The following SAMMSON variants were observed in gnomAD, a reference collection of about 807,000 sequenced individuals.
SAMMSON encodes survival associated mitochondrial melanoma specific oncogenic non-coding RNA, also known as long intergenic non-protein coding RNA 1212.
At position 70,228,394 on chromosome 3, in the gene SAMMSON, ATTG is replaced by A. The variant is rs1701527995; in HGVS notation, n.508-20708_508-20706del. ...TAGCTTTTCTTTCCTCTCAGAAGGAATTGTTGTCTTATGACTGACGTTAGGCTG... is the reference window on the plus strand; with the variant it reads ...TAGCTTTTCTTTCCTCTCAGAAGGAATTGTCTTATGACTGACGTTAGGCTG... On this transcript the variant is annotated intron_variant and non_coding_transcript_variant, in intron 4 of 9. Transcript: ENST00000642114. Among the ~76,000 whole-genome samples, 2 of 152,028 alleles carry A rather than the reference ATTG, an allele frequency of 1.3e-5. 1 individual carries two copies. The highest frequency in any genetic ancestry group is 4.1e-4 in the South Asian group (2 of 4,824).
intron 6 of SAMMSON, among the ~76,000 whole-genome samples, chr3:70,287,783 TTGGGAGAGTGTA>T (rs1429730564): frequency 2.6e-5 from 4 of 151,184 alleles, no homozygotes; most frequent in African/African-American, 9.7e-5. Flanking sequence ...TGGTTTAGTC[TTGGGAGAGTGTA>T]TGTGTCGAGG....
chr3:70,382,279 C>T (rs182928738), intron 9 of SAMMSON, among the ~76,000 whole-genome samples: 117 of 152,194 alleles, frequency 7.7e-4, no homozygotes, highest in African/African-American at 2.6e-3. Context: ...TTTGGCGTGT[C>T]GTCTCTTAAT....
intron 2 of SAMMSON, among the ~76,000 whole-genome samples, chr3:70,396,122 GTGAC>G (rs1380193834): frequency 6.6e-6 from 1 of 152,096 alleles, no homozygotes; most frequent in Admixed American, 6.6e-5. Context: ...TCTGGGCACA[GTGAC>G]TGGCACATAA....
At chr3:70,197,944 G>A (rs890685031) in intron 4 of SAMMSON, among the ~76,000 whole-genome samples, 2 of 152,130 alleles carry the variant, frequency 1.3e-5, no homozygotes, top group Non-Finnish European at 2.9e-5. Flanking sequence ...AGGCATTGAA[G>A]GTAACTGGTA....
chr3:70,035,160 T>G (rs571342844), intron 3 of SAMMSON, among the ~76,000 whole-genome samples: 97 of 152,198 alleles, frequency 6.4e-4, no homozygotes, highest in Admixed American at 1.6e-3. Flanking sequence ...GAATCCAGGC[T>G]GTGGTGTTGT....
intron 8 of SAMMSON, chr3:70,358,162 T>C (rs1702843942): frequency 6.6e-6 from 1 of 152,186 alleles, no homozygotes; most frequent in African/African-American, 2.4e-5. Flanking sequence ...AAAACAAAAG[T>C]AATACGTATT....
intron 4 of SAMMSON, among the ~76,000 whole-genome samples, chr3:70,199,803 G>T (rs1330430981): frequency 6.6e-6 from 1 of 152,128 alleles, no homozygotes; most frequent in Non-Finnish European, 1.5e-5. Flanking sequence ...GATATTCAAA[G>T]TCCTATCCCA....
intron 4 of SAMMSON, among the ~76,000 whole-genome samples, chr3:70,133,890 T>G (rs1465534647): frequency 6.6e-6 from 1 of 152,150 alleles, no homozygotes; most frequent in Non-Finnish European, 1.5e-5. Flanking sequence ...CAGACTGATG[T>G]GAGTTTCCTC....
chr3:70,359,742 C>CT (rs760564819), intron 9 of SAMMSON, among the ~76,000 whole-genome samples: 2 of 152,040 alleles, frequency 1.3e-5, no homozygotes, highest in African/African-American at 2.4e-5. Context: ...AGAGATAGTG[C>CT]TTTTTTCTAC....
At chr3:70,278,182 G>A (rs1449916547) in intron 6 of SAMMSON, among the ~76,000 whole-genome samples, 1 of 152,060 alleles carries the variant, frequency 6.6e-6, no homozygotes, top group African/African-American at 2.4e-5. Flanking sequence ...GGCTCATAGT[G>A]TATATTCTTT....
At chr3:70,224,655 A>C (rs1286190851) in intron 4 of SAMMSON, among the ~76,000 whole-genome samples, 1 of 152,160 alleles carries the variant, frequency 6.6e-6, no homozygotes, top group Non-Finnish European at 1.5e-5. Context: ...GCTTCCTGCA[A>C]TACTTGGGAA....
intron 1 of SAMMSON, among the ~76,000 whole-genome samples, chr3:70,010,829 A>C (rs2066951409): frequency 6.6e-6 from 1 of 152,146 alleles, no homozygotes; most frequent in Non-Finnish European, 1.5e-5. Context: ...CACCTTCTTC[A>C]CAGGGCTTTA....
At chr3:70,072,666 A>AAAAAAAAAAAAAAAAAAAG (rs2067234727) in intron 4 of SAMMSON, 1 of 130,266 alleles carries the variant, frequency 7.7e-6, no homozygotes, top group Non-Finnish European at 1.7e-5. Flanking sequence ...AAAAAAAAAA[A>AAAAAAAAAAAAAAAAAAAG]CAGAAAAAAA....
chr3:70,158,940 C>T (rs927111273), intron 4 of SAMMSON, among the ~76,000 whole-genome samples: 1 of 151,960 alleles, frequency 6.6e-6, no homozygotes, highest in African/African-American at 2.4e-5. Flanking sequence ...AAAATTTCCT[C>T]TATATATTTG....
chr3:70,076,505 CA>C (rs2067249072), intron 4 of SAMMSON, among the ~76,000 whole-genome samples: 1 of 152,086 alleles, frequency 6.6e-6, no homozygotes. Context: ...TTTGAAGTGA[CA>C]GTCTGTAAAT....
chr3:70,044,308 T>A (rs562126941), intron 3 of SAMMSON, among the ~76,000 whole-genome samples: 1 of 151,968 alleles, frequency 6.6e-6, no homozygotes, highest in Non-Finnish European at 1.5e-5. Context: ...TGAAAATATA[T>A]TGCGCTTAGG....
intron 2 of SAMMSON, among the ~76,000 whole-genome samples, chr3:70,405,187 G>C (rs1370480032): frequency 2.4e-4 from 37 of 152,038 alleles, no homozygotes; most frequent in Admixed American, 2.4e-3. Context: ...CATAATAGTA[G>C]GTGTGCTAAA....
At chr3:70,386,597 G>T (rs2106754822) in intron 9 of SAMMSON, among the ~76,000 whole-genome samples, 1 of 152,132 alleles carries the variant, frequency 6.6e-6, no homozygotes, top group African/African-American at 2.4e-5. Flanking sequence ...TAAGTTTTTG[G>T]CAGATGGAGG....
chr3:70,199,162 G>T (rs912232495), intron 4 of SAMMSON, among the ~76,000 whole-genome samples: 4 of 152,146 alleles, frequency 2.6e-5, no homozygotes, highest in Middle Eastern at 6.3e-3. Flanking sequence ...AAGGTTAAAA[G>T]TTTGCTTTGG....
Sources: allele counts gnomAD v4.1 joint callset (sites outside exome capture counted in the v4.1 genomes callset), GRCh38; gene constraint gnomAD v4.1.1; transcripts MANE v1.5; gene names NCBI Gene and HGNC (gene_info 2026-07-23, HGNC 2026-07-21).